The following ACOT12 variants were observed in gnomAD, a reference collection of about 807,000 sequenced individuals.
ACOT12 encodes the protein acetyl-coenzyme A thioesterase.
ACOT12 carries 51 observed loss-of-function variants against 67.7 expected under a neutral mutation model. The observed-to-expected ratio is 0.75, with a 90% CI of 0.60 to 0.95. The LOEUF is 0.95. Among genes scored for constraint, ACOT12 ranks in the 40% least tolerant of loss-of-function variants. The probability of loss-of-function intolerance (pLI) is 0.00; values close to 1 mark genes in which losing one functional copy is unlikely to be tolerated. For missense variants in ACOT12, 734 were observed against 708.1 expected, an observed-to-expected ratio of 1.04 and a Z score of -0.41; for synonymous variants, 251 against 244.6, an observed-to-expected ratio of 1.03 and a Z score of -0.24.
chr5:81,317,945 C>G, the ACOT12 span, among the ~76,000 whole-genome samples: 163 of 148,972 alleles, frequency 1.1e-3, 2 homozygotes, highest in African/African-American at 4.0e-3. Flanking sequence ...TGCAGTGGCA[C>G]AATCTCCGCT....
In ACOT12 at chr5:81,330,292, TATTAA is replaced by T; in HGVS notation, c.*97_*101del. ...CGTCACTGCATTTTGCTTAGGGTTA[TATTAA>T]ATTATTTTGTGGCCCCAAAGCTTGA... On this transcript the variant is annotated 3_prime_UTR_variant, in exon 15 of 15. Transcript: ENST00000307624. The T allele has an allele frequency of 7.5e-7, 1 of 1,338,616 alleles. No homozygotes were observed. 82.9% of individuals were successfully genotyped at this position (1,338,616 alleles called of 1,614,324 possible). A position where few individuals can be genotyped will look rare whatever the true frequency, so the allele number is the denominator to read the frequency against.
rs755088747 is a variant in ACOT12, at chr5:81,363,816, A to G, written c.332T>C (p.Phe111Ser). 2.6e-5 allele frequency: 42 copies of G among 1,611,518 alleles called. No individual in the cohort carries two copies. The highest frequency in any genetic ancestry group is 1.8e-4 in the East Asian group (8 of 44,692). ...EKLVSVAFSTFVAKPVGKEKI... is the reference protein window; with the variant it reads ...EKLVSVAFSTSVAKPVGKEKI... ...TTCTTTTCCAACTGGTTTGGCTACA[A>G]ATGTGGAGAAAGCCACACTAACAAG... Residue 111 changes from phenylalanine (F) to serine (S), a missense_variant, in exon 4 of 15, where the codon TTT becomes TCT. Transcript: ENST00000307624.
intron 6 of ACOT12, among the ~76,000 whole-genome samples, chr5:81,347,370 C>G (rs1759412902): frequency 6.6e-6 from 1 of 152,180 alleles, no homozygotes; most frequent in African/African-American, 2.4e-5. Flanking sequence ...CTCGGCCTCC[C>G]AGAGTGCTGG....
At chr5:81,334,337 A>C (rs1013038001) in intron 12 of ACOT12, among the ~76,000 whole-genome samples, 3 of 152,130 alleles carry the variant, frequency 2.0e-5, no homozygotes, top group Non-Finnish European at 4.4e-5. Context: ...ATCGTAACAC[A>C]CACCCACCGG....
chr5:81,385,072 C>T lies in ACOT12; in HGVS notation c.197+685G>A, dbSNP rs117745465. Among the ~76,000 whole-genome samples the T allele has an allele frequency of 1.1e-3, 172 of 152,166 alleles. 3 individuals carry two copies. In the East Asian group the frequency reaches 0.031, roughly 27 times the overall value. On this transcript the variant is annotated intron_variant, in intron 2 of 14. Transcript: ENST00000307624. ...TCTACTCAGATGAATTAGTGTTTAC[C>T]TAACAACCTGATGAAATTCACCATT...
intron 11 of ACOT12, among the ~76,000 whole-genome samples, chr5:81,336,258 C>T (rs80136572): frequency 0.018 from 2,815 of 152,180 alleles, 24 homozygotes; most frequent in African/African-American, 0.023. Flanking sequence ...TATCACCAGA[C>T]TGCTAGGCAG....
chr5:81,353,265 G>T (rs1410255907), intron 5 of ACOT12, among the ~76,000 whole-genome samples: 3 of 152,162 alleles, frequency 2.0e-5, no homozygotes, highest in African/African-American at 7.2e-5. Context: ...GCAGAAGTTT[G>T]CTTATTTGGA....
At chr5:81,358,444 C>T (rs1759792699) in intron 5 of ACOT12, among the ~76,000 whole-genome samples, 1 of 152,212 alleles carries the variant, frequency 6.6e-6, no homozygotes, top group African/African-American at 2.4e-5. Flanking sequence ...TATTTCATTA[C>T]TTGAGCAACA....
downstream of ACOT12, among the ~76,000 whole-genome samples, chr5:81,326,732 A>T (rs1758682923): frequency 6.6e-6 from 1 of 152,168 alleles, no homozygotes; most frequent in Non-Finnish European, 1.5e-5. Context: ...GAGAGTGAGC[A>T]GTTACACTGA....
intron 1 of ACOT12, 46 bp downstream of exon 1, chr5:81,393,942 C>T: frequency 7.7e-7 from 1 of 1,297,094 alleles, no homozygotes; most frequent in East Asian, 3.2e-5. Flanking sequence ...CCGCCGCTCC[C>T]GCAGCCCCGG....
chr5:81,376,073 G>A (rs1760403087), intron 2 of ACOT12, among the ~76,000 whole-genome samples: 2 of 151,964 alleles, frequency 1.3e-5, no homozygotes, highest in South Asian at 4.2e-4. Flanking sequence ...TTCTAAAATC[G>A]ACCACATAAT....
chr5:81,339,209 C>G (rs573126084), intron 11 of ACOT12, among the ~76,000 whole-genome samples: 50 of 152,280 alleles, frequency 3.3e-4, no homozygotes, highest in Middle Eastern at 3.4e-3. Context: ...CCTAGGGGAG[C>G]CTTCATTTTC....
downstream of ACOT12, among the ~76,000 whole-genome samples, chr5:81,326,484 AC>A (rs1293425295): frequency 1.3e-5 from 2 of 152,162 alleles, no homozygotes; most frequent in Non-Finnish European, 2.9e-5. Context: ...AAGACACAAG[AC>A]TTTTGGTTCA....
At chr5:81,339,434 A>C (rs1759119391) in intron 11 of ACOT12, among the ~76,000 whole-genome samples, 1 of 152,240 alleles carries the variant, frequency 6.6e-6, no homozygotes, top group African/African-American at 2.4e-5. Flanking sequence ...TCTTCCTTAA[A>C]TAAAAAGTTA....
Position 81,344,919 on chromosome 5 carries a change from G to A in ACOT12, c.896C>T (p.Thr299Met), listed in dbSNP as rs151236706. 13 of 1,614,168 alleles carry A rather than the reference G, an allele frequency of 8.1e-6. No individual in the cohort carries two copies. The highest frequency in any genetic ancestry group is 1.6e-4 in the Middle Eastern group (1 of 6,062). Residue 299 changes from threonine to methionine, a missense_variant, in exon 8 of 15, where the codon ACG becomes ATG. Physicochemically the swap from Thr to Met is moderately conservative, Grantham distance 81. Coordinates refer to ENST00000307624, the MANE Select transcript of ACOT12 (RefSeq NM_130767.3). ...TGAAATGGGTTGGATTCTGGGAAAC[G>A]TGATGAGATTTTCCTTATCATCAGC... ...NAADDKENLI[T>M]FPRIQPISKD...
chr5:81,373,124 G>A (rs1485471633), intron 2 of ACOT12, among the ~76,000 whole-genome samples: 1 of 152,228 alleles, frequency 6.6e-6, no homozygotes, highest in Non-Finnish European at 1.5e-5. Flanking sequence ...CGAGATCGAT[G>A]CAGAAGGGGG....
In ACOT12 at chr5:81,330,456, C is replaced by T; in HGVS notation, c.1606G>A (p.Ala536Thr). The T allele has an allele frequency of 6.2e-7, 1 of 1,614,090 alleles. No individual in the cohort carries two copies. Among genetic ancestry groups the T allele is most frequent in the South Asian group, 1.1e-5 (1 of 91,076 alleles). ...GGWSKSIEET[A>T]ASCIQFLENP... is the part of the protein sequence containing the mutation. Reference sequence around the variant, plus strand: ...TCTAAGAACTGTATACAAGAGGCTGCTGTTTCTTCAATGGATTTTGACCAG... The same window carrying T: ...TCTAAGAACTGTATACAAGAGGCTGTTGTTTCTTCAATGGATTTTGACCAG... Residue 536 changes from alanine (A) to threonine (T), a missense_variant, in exon 15 of 15, where the codon GCA becomes ACA. Coordinates refer to ENST00000307624, the MANE Select transcript of ACOT12 (RefSeq NM_130767.3).
chr5:81,343,648 T>A (rs1458432108), intron 10 of ACOT12, among the ~76,000 whole-genome samples, 170 bp downstream of exon 10: 1 of 152,226 alleles, frequency 6.6e-6, no homozygotes, highest in Non-Finnish European at 1.5e-5. Flanking sequence ...TGCCGATTGG[T>A]AAGCAGTAAC....
At chr5:81,372,876 T>C (rs2153856409) in intron 2 of ACOT12, among the ~76,000 whole-genome samples, 1 of 152,322 alleles carries the variant, frequency 6.6e-6, no homozygotes, top group South Asian at 2.1e-4. Context: ...AGGAGACCAA[T>C]CTTTCCTTGG....
Sources: allele counts gnomAD v4.1 joint callset (sites outside exome capture counted in the v4.1 genomes callset), GRCh38; gene constraint gnomAD v4.1.1; transcripts MANE v1.5; gene names NCBI Gene and HGNC (gene_info 2026-07-23, HGNC 2026-07-21).